The following COL21A1 variants were observed in gnomAD, a reference collection of about 807,000 sequenced individuals.
COL21A1 encodes the protein collagen type XXI alpha 1 chain.
COL21A1 carries 149 observed loss-of-function variants against 137.9 expected under a neutral mutation model. The ratio of observed to expected loss-of-function variants is 1.08; its 90% CI spans 0.95 to 1.24. The LOEUF (loss-of-function observed/expected upper bound fraction) is 1.24, where lower values mean the gene tolerates loss of function less well. Among genes scored for constraint, COL21A1 ranks in the 50% most tolerant of loss-of-function variants. The pLI, the probability that COL21A1 is intolerant of heterozygous loss-of-function variation, is 0.00. For missense variants in COL21A1, 1,167 were observed against 1,158.4 expected, an observed-to-expected ratio of 1.01 and a Z score of -0.11; for synonymous variants, 456 against 391.5, an observed-to-expected ratio of 1.16 and a Z score of -1.95.
intron 16 of COL21A1, among the ~76,000 whole-genome samples, chr6:56,108,077 G>C (rs1048226399): frequency 6.6e-6 from 1 of 151,742 alleles, no homozygotes; most frequent in Non-Finnish European, 1.5e-5. Context: ...TATTTACAAG[G>C]AATAGTAAAC....
At chr6:56,341,968 A>T (rs1034158277) in intron 1 of COL21A1, among the ~76,000 whole-genome samples, 4 of 152,244 alleles carry the variant, frequency 2.6e-5, no homozygotes, top group Non-Finnish European at 5.9e-5. Flanking sequence ...AAAAAATTAC[A>T]CTTGTAAAAA....
intron 1 of COL21A1, among the ~76,000 whole-genome samples, chr6:56,201,546 A>ACTG (rs1779408580): frequency 1.3e-5 from 2 of 152,148 alleles, no homozygotes; most frequent in African/African-American, 4.8e-5. Flanking sequence ...TCCCAGCGTC[A>ACTG]TTTATTAAAT....
intron 1 of COL21A1, among the ~76,000 whole-genome samples, chr6:56,341,597 G>A (rs757948836): frequency 7.9e-5 from 12 of 152,208 alleles, no homozygotes; most frequent in Non-Finnish European, 1.8e-4. Flanking sequence ...GGATGAATAG[G>A]TGGGGCACAG....
chr6:56,271,502 T>C (rs1763525001), intron 1 of COL21A1, among the ~76,000 whole-genome samples: 1 of 152,148 alleles, frequency 6.6e-6, no homozygotes, highest in Non-Finnish European at 1.5e-5. Context: ...AGCATAAAGA[T>C]TTGGAAAATT....
At chr6:56,240,141 A>C (rs529619883) in intron 1 of COL21A1, among the ~76,000 whole-genome samples, 2 of 148,554 alleles carry the variant, frequency 1.3e-5, no homozygotes, top group Non-Finnish European at 3.0e-5. Context: ...AGCCACATGG[A>C]ACTGTGAGTC....
chr6:56,073,708 T>C (rs1348265620), intron 20 of COL21A1, among the ~76,000 whole-genome samples: 1 of 151,480 alleles, frequency 6.6e-6, no homozygotes, highest in African/African-American at 2.4e-5. Context: ...AGTTCTACCT[T>C]GAGAATAACT....
At position 56,097,886 on chromosome 6, in the gene COL21A1, T is replaced by TATATATAA. The variant is rs1203103407; in HGVS notation, c.1812+3578_1812+3585dup. Among the ~76,000 whole-genome samples, 40 of 90,174 alleles carry TATATATAA rather than the reference T, an allele frequency of 4.4e-4. 6 individuals carry two copies. The highest frequency in any genetic ancestry group is 7.6e-4 in the Non-Finnish European group (37 of 48,502). The allele number at this position is 90,174 out of a possible 152,430, so 59.2% of individuals were successfully genotyped here. A position where few individuals can be genotyped will look rare whatever the true frequency, so the allele number is the denominator to read the frequency against. On this transcript the variant is annotated intron_variant, in intron 17 of 29. Coordinates refer to ENST00000244728, the MANE Select transcript of COL21A1 (RefSeq NM_030820.4). ...ATAAAAATATCTATAAATATATAAA[T>TATATATAA]ATATATAAATATATAAATATATAAA...
At chr6:56,104,459 C>T (rs1462050849) in intron 16 of COL21A1, among the ~76,000 whole-genome samples, 1 of 152,104 alleles carries the variant, frequency 6.6e-6, no homozygotes, top group Non-Finnish European at 1.5e-5. Context: ...ATAATTTCTA[C>T]TTGGCATTTT....
chr6:56,185,253 T>A (rs990782002), intron 1 of COL21A1, among the ~76,000 whole-genome samples: 1 of 151,768 alleles, frequency 6.6e-6, no homozygotes, highest in Non-Finnish European at 1.5e-5. Context: ...AAAAAATAAA[T>A]AATTAAAAAG....
At chr6:56,098,990 C>A (rs1340959546) in intron 17 of COL21A1, among the ~76,000 whole-genome samples, 1 of 150,780 alleles carries the variant, frequency 6.6e-6, no homozygotes, top group Non-Finnish European at 1.5e-5. Flanking sequence ...GCTGGGATTA[C>A]AGGCGTGAGC....
chr6:56,186,660 G>C (rs1362002545), intron 1 of COL21A1, among the ~76,000 whole-genome samples: 1 of 152,058 alleles, frequency 6.6e-6, no homozygotes, highest in African/African-American at 2.4e-5. Flanking sequence ...CAAGACACAA[G>C]ATTAATGGTT....
intron 17 of COL21A1, among the ~76,000 whole-genome samples, chr6:56,096,400 G>C (rs1769328195): frequency 6.6e-6 from 1 of 152,118 alleles, no homozygotes; most frequent in South Asian, 2.1e-4. Context: ...ATAATTGAAA[G>C]AATATAATCT....
intron 3 of COL21A1, among the ~76,000 whole-genome samples, chr6:56,172,166 G>A (rs1414666472): frequency 4.0e-5 from 6 of 151,698 alleles, no homozygotes; most frequent in South Asian, 4.2e-4. Flanking sequence ...ATGGATACTC[G>A]AATTCAAGAA....
intron 1 of COL21A1, among the ~76,000 whole-genome samples, chr6:56,362,000 T>A (rs540957152): frequency 6.6e-6 from 1 of 152,292 alleles, no homozygotes; most frequent in South Asian, 2.1e-4. Context: ...TCCTGGTCAC[T>A]AAGAGGATAT....
At chr6:56,163,880 G>T (rs1776374981) in intron 9 of COL21A1, among the ~76,000 whole-genome samples, 1 of 151,974 alleles carries the variant, frequency 6.6e-6, no homozygotes. Flanking sequence ...TGGAACAAGC[G>T]CATATATAGA....
intron 12 of COL21A1, among the ~76,000 whole-genome samples, chr6:56,128,357 T>C (rs1773217754): frequency 6.6e-6 from 1 of 152,158 alleles, no homozygotes; most frequent in Non-Finnish European, 1.5e-5. Flanking sequence ...TCCAAGACTT[T>C]CTGTTTGTTG....
chr6:56,297,205 C>T (rs754788708), intron 1 of COL21A1, among the ~76,000 whole-genome samples: 2 of 151,992 alleles, frequency 1.3e-5, no homozygotes, highest in Non-Finnish European at 2.9e-5. Flanking sequence ...GATTAAGTTG[C>T]CATGCGCATG....
At chr6:56,312,009 C>T (rs190266398) in intron 1 of COL21A1, among the ~76,000 whole-genome samples, 1 of 152,150 alleles carries the variant, frequency 6.6e-6, no homozygotes, top group Admixed American at 6.5e-5. Flanking sequence ...AATGAACTGA[C>T]AACAGAATTG....
chr6:56,164,646 C>G, intron 8 of COL21A1, 140 bp from the exon 9 acceptor site: 1 of 860,346 alleles, frequency 1.2e-6, no homozygotes, highest in Non-Finnish European at 1.8e-6. Context: ...CTAACCCAAC[C>G]CAATAGGAAA....
Sources: allele counts gnomAD v4.1 joint callset (sites outside exome capture counted in the v4.1 genomes callset), GRCh38; gene constraint gnomAD v4.1.1; transcripts MANE v1.5; gene names NCBI Gene and HGNC (gene_info 2026-07-23, HGNC 2026-07-21).